Variants in DUSP10 observed in about 807,000 individuals in gnomAD.
DUSP10 encodes the protein dual specificity protein phosphatase 10.
A neutral mutation model predicts 30.8 loss-of-function variants in DUSP10; 14 were observed. The ratio of observed to expected loss-of-function variants is 0.46; its 90% CI spans 0.30 to 0.71. The LOEUF is 0.71. Ranked by LOEUF, DUSP10 falls within the 30% of genes least tolerant of loss-of-function variation. The pLI, the probability that DUSP10 is intolerant of heterozygous loss-of-function variation, is 0.08. For missense variants in DUSP10, 550 were observed against 619.4 expected (o/e 0.89, Z 1.19); for synonymous variants, 254 against 250.4 (o/e 1.01, Z -0.14).
chr1:221,711,635 A>T (rs958160746), intron 2 of DUSP10: 1 of 152,218 alleles, frequency 6.6e-6, no homozygotes, highest in South Asian at 2.1e-4. Context: ...CCTATCACTT[A>T]CCTTGTAACC....
Position 221,739,692 on chromosome 1 carries a change from A to G in DUSP10, c.53T>C (p.Val18Ala). The change falls in exon 2 of 4, where the codon GTC becomes GCC. Residue 18 changes from valine (V) to alanine (A), a missense_variant. Coordinates refer to ENST00000366899, the MANE Select transcript of DUSP10 (RefSeq NM_007207.6). Reference sequence around the variant, plus strand: ...ACAAAGGTTGAGATCCTGAGGTCGGACGGGCCTAGATAGTGCCACTACTAC... The same window carrying G: ...ACAAAGGTTGAGATCCTGAGGTCGGGCGGGCCTAGATAGTGCCACTACTAC... ...DRVVVALSRP[V>A]RPQDLNLCLD... The G allele has an allele frequency of 6.2e-7, 1 of 1,613,660 alleles. No individual in the cohort carries two copies. Among genetic ancestry groups the G allele is most frequent in the Non-Finnish European group, 8.5e-7 (1 of 1,179,772 alleles).
At chr1:221,735,533 A>G (rs1661740283) in intron 2 of DUSP10, among the ~76,000 whole-genome samples, 1 of 152,272 alleles carries the variant, frequency 6.6e-6, no homozygotes, top group South Asian at 2.1e-4. Flanking sequence ...TAAATACATT[A>G]AAACATTATC....
chr1:221,722,048 A>G lies in DUSP10; in HGVS notation c.812-15582T>C, dbSNP rs192954894. Among the ~76,000 whole-genome samples the G allele has an allele frequency of 2.0e-5, 3 of 152,308 alleles. No homozygotes were observed. The East Asian group carries it at 5.8e-4, about 29-fold the overall frequency. The stretch of plus-strand genomic sequence containing the variant: ...ATACAACACTGGATCTGAAATCAGT[A>G]ATTTGGAGTTCCTCTTATCCCTCTT... On this transcript the variant is annotated intron_variant, in intron 2 of 3. Coordinates refer to ENST00000366899, the MANE Select transcript of DUSP10 (RefSeq NM_007207.6).
At chr1:221,710,230 A>C (rs2102619300) in intron 2 of DUSP10, among the ~76,000 whole-genome samples, 1 of 152,324 alleles carries the variant, frequency 6.6e-6, no homozygotes. Context: ...AGATCTATGC[A>C]CACGCATAGT....
At chr1:221,711,995 G>A (rs915853557) in intron 2 of DUSP10, among the ~76,000 whole-genome samples, 5 of 152,274 alleles carry the variant, frequency 3.3e-5, no homozygotes, top group African/African-American at 9.6e-5. Flanking sequence ...TAAGTTTCAG[G>A]GCAGAATATC....
chr1:221,718,473 T>C (rs988455273), intron 2 of DUSP10, among the ~76,000 whole-genome samples: 1 of 151,992 alleles, frequency 6.6e-6, no homozygotes. Flanking sequence ...GAAAAATCCA[T>C]GAGATCATCC....
At chr1:221,713,402 T>C (rs527690938) in intron 2 of DUSP10, among the ~76,000 whole-genome samples, 2 of 152,300 alleles carry the variant, frequency 1.3e-5, no homozygotes, top group East Asian at 1.9e-4. Flanking sequence ...TTCAGAAGCC[T>C]TGAAAAAAAA....
chr1:221,736,729 T>C (rs1661785283), intron 2 of DUSP10: 4 of 881,196 alleles, frequency 4.5e-6, no homozygotes, highest in African/African-American at 1.8e-5. Flanking sequence ...GATACCAAAA[T>C]GATAATGATA....
At chr1:221,728,119 C>G (rs1661478624) in intron 2 of DUSP10, among the ~76,000 whole-genome samples, 1 of 152,210 alleles carries the variant, frequency 6.6e-6, no homozygotes, top group African/African-American at 2.4e-5. Context: ...ACTTGCTCAT[C>G]ATGTGATACC....
At chr1:221,731,449 GA>G (rs1383069345) in intron 2 of DUSP10, among the ~76,000 whole-genome samples, 1 of 152,002 alleles carries the variant, frequency 6.6e-6, no homozygotes, top group Non-Finnish European at 1.5e-5. Context: ...CTCCCACACA[GA>G]GGAGACTTGT....
In DUSP10 at chr1:221,702,736, G is replaced by T. The variant is rs1278423553; in HGVS notation, c.1184-59C>A. ...AAGATGGAAGAGAGAGGCACGGAGA[G>T]AGAAACTTTCATCTCAACTTTGCAA... is the stretch of plus-strand genomic sequence containing the variant. On this transcript the variant is annotated intron_variant, in intron 3 of 3. Coordinates refer to ENST00000366899, the MANE Select transcript of DUSP10 (RefSeq NM_007207.6). This position sits in a 1 kb window ranked among gnomAD's most constrained non-coding sequence, Gnocchi z 4.5. 3 of 1,566,848 alleles carry T rather than the reference G, an allele frequency of 1.9e-6. No individual in the cohort carries two copies. The highest frequency in any genetic ancestry group is 2.6e-6 in the Non-Finnish European group (3 of 1,149,656).
chr1:221,710,730 C>T (rs1660909988), intron 2 of DUSP10, among the ~76,000 whole-genome samples: 1 of 152,196 alleles, frequency 6.6e-6, no homozygotes, highest in Non-Finnish European at 1.5e-5. Flanking sequence ...TCTGATTTCA[C>T]TTTGTTGGTC....
intron 2 of DUSP10, among the ~76,000 whole-genome samples, chr1:221,723,012 C>G (rs55916122): frequency 6.6e-6 from 1 of 152,150 alleles, no homozygotes; most frequent in Non-Finnish European, 1.5e-5. Flanking sequence ...AACAAAAAAT[C>G]GAAATACTCC....
intron 2 of DUSP10, among the ~76,000 whole-genome samples, chr1:221,734,878 T>C (rs1279233613): frequency 6.6e-6 from 1 of 152,176 alleles, no homozygotes; most frequent in African/African-American, 2.4e-5. Flanking sequence ...ATAACATCTC[T>C]GAGAGAAAAG....
chr1:221,717,162 G>A (rs1003103075), intron 2 of DUSP10, among the ~76,000 whole-genome samples: 3 of 152,196 alleles, frequency 2.0e-5, no homozygotes, highest in Non-Finnish European at 4.4e-5. Context: ...TCTGAGGTAT[G>A]AGAGGGGACG....
At position 221,732,570 on chromosome 1, in the gene DUSP10, C is replaced by T. The variant is rs150665704; in HGVS notation, c.811+6364G>A. ...TGTTGTTATTAAATAATGATACATACGAATACCTCAGTCTGTTGATATCTA... is the reference window on the plus strand; with the variant it reads ...TGTTGTTATTAAATAATGATACATATGAATACCTCAGTCTGTTGATATCTA... On this transcript the variant is annotated intron_variant, in intron 2 of 3. Transcript: ENST00000366899. Among the ~76,000 whole-genome samples, 23 of 152,256 alleles carry T rather than the reference C, an allele frequency of 1.5e-4. No homozygotes were observed. The East Asian group carries it at 3.1e-3, about 20-fold the overall frequency.
intron 2 of DUSP10, among the ~76,000 whole-genome samples, chr1:221,709,417 T>G (rs1660870032): frequency 6.7e-6 from 1 of 150,060 alleles, no homozygotes; most frequent in Non-Finnish European, 1.5e-5. Context: ...GGGTGCATTG[T>G]ATGTTTAAGC....
Position 221,707,582 on chromosome 1 carries a change from T to C in DUSP10, c.812-1116A>G, listed in dbSNP as rs548335431. On this transcript the variant is annotated intron_variant, in intron 2 of 3. Coordinates refer to ENST00000366899, the MANE Select transcript of DUSP10 (RefSeq NM_007207.6). The stretch of plus-strand genomic sequence containing the variant: ...TCCCCTGAACAAGTGCAATCTCACT[T>C]TTGGGAATGGATCTTAGGGAAATCA... Among the ~76,000 whole-genome samples, 8 of 152,326 alleles carry C rather than the reference T, an allele frequency of 5.3e-5. No homozygotes were observed. In the South Asian group the frequency reaches 1.7e-3, roughly 32 times the overall value.
intron 3 of DUSP10, 128 bp downstream of exon 3, chr1:221,705,967 G>T: frequency 1.5e-6 from 2 of 1,294,132 alleles, no homozygotes; most frequent in Non-Finnish European, 2.1e-6. Flanking sequence ...TCAGGTGGCA[G>T]AGCCCTCCAA....
Sources: gnomAD v4.1 joint callset for allele counts (sites outside exome capture counted in the v4.1 genomes callset) on GRCh38, gnomAD v4.1.1 for gene constraint, Gnocchi (gnomAD v3.1) non-coding constraint, MANE v1.5 for transcripts, NCBI Gene and HGNC (gene_info 2026-07-23, HGNC 2026-07-21) for gene names.